Variants in RCAN2 observed in about 807,000 individuals in gnomAD.
The protein encoded by RCAN2 is regulator of calcineurin 2.
A neutral mutation model predicts 23.6 loss-of-function variants in RCAN2; 9 were observed. The observed-to-expected ratio is 0.38, with a 90% confidence interval of 0.23 to 0.67. The LOEUF (loss-of-function observed/expected upper bound fraction) is 0.67. RCAN2 is among the 30% of genes least tolerant of loss of function. The pLI is 0.51. For synonymous variants in RCAN2, 109 were observed against 115.7 expected, an observed-to-expected ratio of 0.94 and a Z score of 0.37; for missense variants, 273 against 302.3, an observed-to-expected ratio of 0.90 and a Z score of 0.72.
chr6:46,365,054 C>A (rs1052723995), intron 2 of RCAN2, among the ~76,000 whole-genome samples: 8 of 152,274 alleles, frequency 5.3e-5, no homozygotes, highest in African/African-American at 1.9e-4. Flanking sequence ...CAGCCCTAAT[C>A]GCACTTTGAT....
intron 2 of RCAN2, among the ~76,000 whole-genome samples, chr6:46,279,071 T>C (rs552821912): frequency 2.5e-4 from 38 of 151,580 alleles, no homozygotes; most frequent in Admixed American, 1.0e-3. Flanking sequence ...CAGGGGTTAG[T>C]TGGTTTGTTC....
intron 4 of RCAN2, among the ~76,000 whole-genome samples, chr6:46,227,300 A>C (rs1765705140): frequency 6.6e-6 from 1 of 152,220 alleles, no homozygotes; most frequent in African/African-American, 2.4e-5. Flanking sequence ...TGCTGGCCTC[A>C]TAAAATTAGT....
At chr6:46,306,272 T>C (rs1290427579) in intron 2 of RCAN2, among the ~76,000 whole-genome samples, 2 of 152,082 alleles carry the variant, frequency 1.3e-5, no homozygotes, top group Non-Finnish European at 2.9e-5. Context: ...CTTGGCCTGT[T>C]CAGTACATTT....
chr6:46,465,194 C>A (rs1448512242), intron 1 of RCAN2, among the ~76,000 whole-genome samples: 1 of 152,148 alleles, frequency 6.6e-6, no homozygotes, highest in East Asian at 1.9e-4. Flanking sequence ...GAAACACCAT[C>A]TTTTATGAGG....
intron 2 of RCAN2, among the ~76,000 whole-genome samples, chr6:46,393,026 T>A (rs1765979897): frequency 1.3e-5 from 2 of 152,200 alleles, no homozygotes; most frequent in South Asian, 4.1e-4. Flanking sequence ...CAGAATAAAA[T>A]GTTCCTTGGG....
chr6:46,268,359 T>G (rs1767411017), intron 2 of RCAN2, among the ~76,000 whole-genome samples: 1 of 152,202 alleles, frequency 6.6e-6, no homozygotes, highest in Non-Finnish European at 1.5e-5. Flanking sequence ...AAATGTGTTC[T>G]TTAATAAAGT....
intron 4 of RCAN2, among the ~76,000 whole-genome samples, chr6:46,239,882 T>C (rs1219636670): frequency 6.6e-6 from 1 of 152,070 alleles, no homozygotes; most frequent in Non-Finnish European, 1.5e-5. Context: ...CAAAGTACTT[T>C]ATGGGATCAA....
At chr6:46,230,641 G>A (rs1033895914) in intron 4 of RCAN2, among the ~76,000 whole-genome samples, 5 of 152,202 alleles carry the variant, frequency 3.3e-5, no homozygotes, top group Admixed American at 6.5e-5. Flanking sequence ...CAGTATTAGG[G>A]TGGGAGTGAC....
At chr6:46,225,162 T>C (rs1417565248) in intron 4 of RCAN2, among the ~76,000 whole-genome samples, 1 of 152,222 alleles carries the variant, frequency 6.6e-6, no homozygotes, top group Non-Finnish European at 1.5e-5. Context: ...TGTGCCACCT[T>C]TTCTTAATCC....
At chr6:46,374,376 C>T (rs1765404421) in intron 2 of RCAN2, among the ~76,000 whole-genome samples, 2 of 152,188 alleles carry the variant, frequency 1.3e-5, no homozygotes, top group Admixed American at 1.3e-4. Flanking sequence ...TTTTATTTTA[C>T]ACTATTATTT....
intron 2 of RCAN2, among the ~76,000 whole-genome samples, chr6:46,438,981 T>C (rs1448122113): frequency 6.6e-6 from 1 of 152,222 alleles, no homozygotes; most frequent in Non-Finnish European, 1.5e-5. Flanking sequence ...TCTTAGAATA[T>C]CTTAGGATAC....
intron 2 of RCAN2, among the ~76,000 whole-genome samples, chr6:46,375,703 C>T (rs1458021899): frequency 6.6e-6 from 1 of 152,158 alleles, no homozygotes; most frequent in African/African-American, 2.4e-5. Context: ...TAGGCCATAC[C>T]GTCTCTGTCG....
chr6:46,430,729 A>G (rs1167059429), intron 2 of RCAN2, among the ~76,000 whole-genome samples: 1 of 152,218 alleles, frequency 6.6e-6, no homozygotes. Context: ...GTTATGTACA[A>G]TAGCAAATTG....
At chr6:46,471,643 T>C (rs2150441715) in intron 1 of RCAN2, among the ~76,000 whole-genome samples, 1 of 152,208 alleles carries the variant, frequency 6.6e-6, no homozygotes, top group South Asian at 2.1e-4. Flanking sequence ...GAGCAGTTGG[T>C]GCCATGAGTT....
chr6:46,407,491 T>A (rs1766436457), intron 2 of RCAN2, among the ~76,000 whole-genome samples: 1 of 152,170 alleles, frequency 6.6e-6, no homozygotes, highest in African/African-American at 2.4e-5. Context: ...GATCCCATCT[T>A]TAAAAGTTCA....
At chr6:46,481,608 G>T (rs1054394968) in intron 1 of RCAN2, among the ~76,000 whole-genome samples, 2 of 151,964 alleles carry the variant, frequency 1.3e-5, no homozygotes, top group Non-Finnish European at 2.9e-5. Context: ...TTTGTTATTT[G>T]TTACAAAGAC....
In RCAN2 at chr6:46,435,533, A is replaced by G. The variant is rs536969727; in HGVS notation, c.225+21219T>C. Among the ~76,000 whole-genome samples the G allele has an allele frequency of 1.4e-4, 21 of 152,362 alleles. 2 individuals are homozygous for G. The South Asian group carries it at 4.4e-3, about 32-fold the overall frequency. On this transcript the variant is annotated intron_variant, in intron 2 of 4. Transcript: ENST00000371374. The stretch of plus-strand genomic sequence containing the variant: ...GCAAATGTTAATTCCTTCTAAAGTA[A>G]TTGGACCTGCTTAAATTGCCAATCA...
chr6:46,244,591 A>G (rs2150316041), intron 4 of RCAN2, among the ~76,000 whole-genome samples: 1 of 152,334 alleles, frequency 6.6e-6, no homozygotes, highest in African/African-American at 2.4e-5. Flanking sequence ...TCAGCTCCAC[A>G]TGAGTGAGCT....
chr6:46,431,394 A>G (rs1767201376), intron 2 of RCAN2, among the ~76,000 whole-genome samples: 1 of 152,056 alleles, frequency 6.6e-6, no homozygotes, highest in South Asian at 2.1e-4. Context: ...AATGCTAATG[A>G]AAACCTCTAG....
Sources: gnomAD v4.1 joint callset for allele counts (sites outside exome capture counted in the v4.1 genomes callset) on GRCh38, gnomAD v4.1.1 for gene constraint, MANE v1.5 for transcripts, NCBI Gene and HGNC (gene_info 2026-07-23, HGNC 2026-07-21) for gene names.